ZNF385D: variants seen among roughly 807,000 people sequenced by gnomAD.
The protein encoded by ZNF385D is zinc finger protein 659.
ZNF385D carries 15 observed loss-of-function variants against 35.8 expected under a neutral mutation model. The ratio of observed to expected loss-of-function variants is 0.42; its 90% CI spans 0.28 to 0.64. ZNF385D has a LOEUF of 0.64. Among genes scored for constraint, ZNF385D ranks in the 30% least tolerant of loss-of-function variants. The pLI is 0.23. For synonymous variants in ZNF385D, 212 were observed against 186.8 expected (o/e 1.13, Z -1.10); for missense variants, 474 against 494.6 (o/e 0.96, Z 0.39).
At chr3:22,032,381 T>A (rs777644694) in intron 3 of ZNF385D, among the ~76,000 whole-genome samples, 6 of 152,150 alleles carry the variant, frequency 3.9e-5, no homozygotes, top group Non-Finnish European at 7.4e-5. Flanking sequence ...AGAGCACATG[T>A]AGAGGAAACT....
Position 21,465,851 on chromosome 3 carries a change from C to T in ZNF385D, c.440-28648G>A, listed in dbSNP as rs1340824849. 2.6e-5 allele frequency among the ~76,000 whole-genome samples: 4 copies of T among 152,192 alleles called. No homozygotes were observed. Among genetic ancestry groups the T allele is most frequent in the Admixed American group, 6.5e-5 (1 of 15,278 alleles). On this transcript the variant is annotated intron_variant, in intron 4 of 7. Transcript: ENST00000281523. This position sits in a 1 kb window ranked among gnomAD's most constrained non-coding sequence, Gnocchi z 4.2. ...TGCCCTTCCTGCAGGCTGACCCACT[C>T]TCAGGCTACACAACACTCATTCTCC... is the stretch of plus-strand genomic sequence containing the variant.
At chr3:22,150,440 A>G (rs1001982636) in intron 3 of ZNF385D, among the ~76,000 whole-genome samples, 2 of 152,130 alleles carry the variant, frequency 1.3e-5, no homozygotes, top group Non-Finnish European at 2.9e-5. Context: ...GTTAACACCC[A>G]CATGGATATA....
At position 21,890,205 on chromosome 3, in the gene ZNF385D, T is replaced by C. The variant is rs149765485; in HGVS notation, c.326-225177A>G. ...GTTATATAAGCAAGAGAGGGAATAA[T>C]TGATGTATAGAGGGAGAGAATTTGA... On this transcript the variant is annotated intron_variant, in intron 3 of 5. Transcript: ENST00000494108. Among the ~76,000 whole-genome samples the C allele has an allele frequency of 2.4e-4, 37 of 152,194 alleles. 1 individual carries two copies. The highest frequency in any genetic ancestry group is 7.5e-4 in the African/African-American group (31 of 41,524).
At chr3:22,294,531 A>T (rs1350715101) in intron 2 of ZNF385D, among the ~76,000 whole-genome samples, 1 of 152,128 alleles carries the variant, frequency 6.6e-6, no homozygotes, top group Non-Finnish European at 1.5e-5. Context: ...CCTTAAGATG[A>T]TAATGACTGG....
chr3:21,819,758 AAT>A (rs1186242391), intron 3 of ZNF385D, among the ~76,000 whole-genome samples: 11 of 84,582 alleles, frequency 1.3e-4, no homozygotes, highest in South Asian at 1.0e-3. Flanking sequence ...ACGTACACAT[AAT>A]TATATATAAT....
At chr3:22,077,461 C>T (rs1293958785) in intron 3 of ZNF385D, among the ~76,000 whole-genome samples, 1 of 151,878 alleles carries the variant, frequency 6.6e-6, no homozygotes, top group African/African-American at 2.4e-5. Flanking sequence ...TAATTTGGTC[C>T]AGTTCAGGCA....
chr3:21,476,577 C>T (rs570565024), intron 4 of ZNF385D, among the ~76,000 whole-genome samples: 23 of 151,518 alleles, frequency 1.5e-4, no homozygotes, highest in Admixed American at 4.6e-4. Context: ...TGTGTGCATG[C>T]GTGTGATAGA....
At chr3:21,945,628 T>C (rs1367154321) in intron 3 of ZNF385D, among the ~76,000 whole-genome samples, 2 of 152,208 alleles carry the variant, frequency 1.3e-5, no homozygotes, top group East Asian at 3.9e-4. Context: ...ATGGTAAATG[T>C]TTATCTTCAA....
At chr3:22,237,537 G>A (rs570312130) in intron 2 of ZNF385D, among the ~76,000 whole-genome samples, 1 of 152,192 alleles carries the variant, frequency 6.6e-6, no homozygotes. Flanking sequence ...TTATTTTGTT[G>A]CCTTTGCTTT....
intron 3 of ZNF385D, among the ~76,000 whole-genome samples, chr3:21,888,804 G>A (rs565913127): frequency 1.1e-4 from 16 of 152,180 alleles, no homozygotes; most frequent in Admixed American, 3.9e-4. Context: ...CCAAAATGAG[G>A]TGCCTGTTCA....
chr3:22,203,152 G>T (rs1040068326), intron 2 of ZNF385D, among the ~76,000 whole-genome samples: 44 of 152,088 alleles, frequency 2.9e-4, no homozygotes, highest in African/African-American at 9.7e-4. Flanking sequence ...TTGAGGAGAA[G>T]AGAGGGAAGA....
In ZNF385D at chr3:21,420,672, C is replaced by G. The variant is rs1019177117; in HGVS notation, c.*542G>C. On this transcript the variant is annotated 3_prime_UTR_variant, in exon 8 of 8. Transcript: ENST00000281523. The stretch of plus-strand genomic sequence containing the variant: ...ATTGAGACACAGCACTATTGTTTTA[C>G]AAGACATCTACTGTATCTACTTTTG... 4 of 152,798 alleles carry G rather than the reference C, an allele frequency of 2.6e-5. No individual in the cohort carries two copies. The highest frequency in any genetic ancestry group is 9.7e-5 in the African/African-American group (4 of 41,436). 9.5% of individuals were successfully genotyped at this position (152,798 alleles called of 1,614,324 possible).
intron 1 of ZNF385D, among the ~76,000 whole-genome samples, chr3:21,732,053 T>TGCTC (rs2069036941): frequency 1.0e-5 from 1 of 95,980 alleles, no homozygotes; most frequent in Non-Finnish European, 2.1e-5. Context: ...TTTTTTTTTT[T>TGCTC]TTTTTTTTTT....
intron 3 of ZNF385D, among the ~76,000 whole-genome samples, chr3:22,147,508 A>G (rs1193356820): frequency 2.0e-5 from 3 of 152,158 alleles, no homozygotes; most frequent in Non-Finnish European, 4.4e-5. Context: ...AGTTCCTGGT[A>G]AAGATGGTGT....
intron 2 of ZNF385D, among the ~76,000 whole-genome samples, chr3:21,592,159 AT>A (rs2063993818): frequency 6.6e-6 from 1 of 152,158 alleles, no homozygotes; most frequent in Non-Finnish European, 1.5e-5. Flanking sequence ...TTTTTTCATA[AT>A]TATGATTTAT....
At chr3:21,790,261 T>A (rs111942389) in intron 3 of ZNF385D, among the ~76,000 whole-genome samples, 4 of 796 alleles carry the variant, frequency 5.0e-3, no homozygotes, top group Admixed American at 0.021. Context: ...TTTTTTCAAT[T>A]AAAAAAGTGG....
chr3:21,754,431 T>A (rs1049046836), upstream of ZNF385D, among the ~76,000 whole-genome samples: 17 of 152,186 alleles, frequency 1.1e-4, no homozygotes, highest in African/African-American at 4.1e-4. Flanking sequence ...GCTTGCCAGA[T>A]AAAATTATAC....
intron 3 of ZNF385D, among the ~76,000 whole-genome samples, chr3:21,538,762 G>C (rs1162549842): frequency 6.6e-6 from 1 of 152,044 alleles, no homozygotes; most frequent in Non-Finnish European, 1.5e-5. Flanking sequence ...GGGGCATGGA[G>C]GGGGGAAAGG....
chr3:22,098,349 A>G (rs1035236963), intron 3 of ZNF385D, among the ~76,000 whole-genome samples: 2 of 152,098 alleles, frequency 1.3e-5, no homozygotes, highest in African/African-American at 4.8e-5. Context: ...CTTTAAGTGT[A>G]TGAGTCATCA....
Sources: allele counts gnomAD v4.1 joint callset (sites outside exome capture counted in the v4.1 genomes callset), GRCh38; gene constraint gnomAD v4.1.1; non-coding constraint Gnocchi (gnomAD v3.1); transcripts MANE v1.5; gene names NCBI Gene and HGNC (gene_info 2026-07-23, HGNC 2026-07-21).